CRLF3: variants seen among roughly 807,000 people sequenced by gnomAD.
CRLF3 encodes the protein cytokine receptor like factor 3.
In CRLF3, 33 loss-of-function variants were observed where a neutral mutation model predicts 55.0. The ratio of observed to expected loss-of-function variants is 0.60; its 90% CI spans 0.46 to 0.80. CRLF3 has a LOEUF of 0.80. Among genes scored for constraint, CRLF3 ranks in the 30% least tolerant of loss-of-function variants. The pLI is 0.00. For synonymous variants in CRLF3, 238 were observed against 196.8 expected (o/e 1.21, Z -1.75); for missense variants, 494 against 538.4 (o/e 0.92, Z 0.82).
Position 30,784,260 on chromosome 17 carries a change from A to C in CRLF3, c.1256T>G (p.Leu419Arg). 6.2e-7 allele frequency: 1 copy of C among 1,613,638 alleles called. No individual in the cohort carries two copies. The highest frequency in any genetic ancestry group is 2.2e-5 in the East Asian group (1 of 44,878). The change falls in exon 8 of 8, where the codon CTT (leucine) becomes CGT (arginine). Residue 419 changes from leucine to arginine, a missense_variant. Leu to Arg is a moderately radical substitution (Grantham distance 102). Transcript: ENST00000324238. ...NNREVVFDWL[L>R]DQSCGSLYFG... is the part of the protein sequence containing the mutation. ...GTAAAGAGAACCACAAGACTGATCA[A>C]GTAACCAGTCAAAAACCACTTCTCT...
In CRLF3 at chr17:30,792,510, C is replaced by T. The variant is rs774994930; in HGVS notation, c.889G>A (p.Asp297Asn). 11 of 1,613,036 alleles carry T rather than the reference C, an allele frequency of 6.8e-6. No individual in the cohort carries two copies. The Admixed American group carries it at 1.2e-4, about 17-fold the overall frequency. Residue 297 changes from aspartate to asparagine, a missense_variant, in exon 6 of 8, where the codon GAT (aspartate) becomes AAT (asparagine). Physicochemically the swap from Asp to Asn is conservative, Grantham distance 23. Coordinates refer to ENST00000324238, the MANE Select transcript of CRLF3 (RefSeq NM_015986.4). ...TAGAGAACACCCGATGATTCAGAAT[C>T]GTTCCGAAGTGCTATATTTCTTCGA... ...SSRRNIALRNDSESSGVLYSR... is the reference protein window; with the variant it reads ...SSRRNIALRNNSESSGVLYSR...
chr17:30,817,605 T>C (rs761161735), intron 1 of CRLF3, among the ~76,000 whole-genome samples: 1 of 152,014 alleles, frequency 6.6e-6, no homozygotes, highest in Admixed American at 6.6e-5. Context: ...TATAGAAAGA[T>C]ACATCAAAAT....
intron 1 of CRLF3, among the ~76,000 whole-genome samples, chr17:30,822,484 TGTC>T (rs1679964901): frequency 6.6e-6 from 1 of 152,164 alleles, no homozygotes; most frequent in African/African-American, 2.4e-5. Context: ...CAGAAGGCAA[TGTC>T]ATCAGGAACC....
chr17:30,786,568 T>G (rs1289682844), intron 6 of CRLF3: 2 of 151,958 alleles, frequency 1.3e-5, no homozygotes, highest in Non-Finnish European at 2.9e-5. Flanking sequence ...ACCCATTTTA[T>G]AAGTGAGGAA....
At chr17:30,785,869 C>A in intron 7 of CRLF3, 50 bp downstream of exon 7, 2 of 971,296 alleles carry the variant, frequency 2.1e-6, no homozygotes, top group Non-Finnish European at 3.3e-6. Flanking sequence ...TCACATATTA[C>A]TAAAATAATT....
intron 1 of CRLF3, among the ~76,000 whole-genome samples, chr17:30,811,890 C>G (rs1414441541): frequency 1.3e-5 from 2 of 148,294 alleles, no homozygotes; most frequent in Non-Finnish European, 3.0e-5. Flanking sequence ...GCGGGCGGGT[C>G]ATGAGGTCAG....
chr17:30,795,384 T>G (rs1263879713), intron 4 of CRLF3, among the ~76,000 whole-genome samples: 1 of 151,560 alleles, frequency 6.6e-6, no homozygotes, highest in Non-Finnish European at 1.5e-5. Flanking sequence ...TAATCCCAGC[T>G]ACTTGGGAGG....
Position 30,807,150 on chromosome 17 carries a change from T to G in CRLF3, c.130-3042A>C, listed in dbSNP as rs79162310. On this transcript the variant is annotated intron_variant, in intron 1 of 7. Coordinates refer to ENST00000324238, the MANE Select transcript of CRLF3 (RefSeq NM_015986.4). ...TCTAACTATAAGCCACTCCGATAAG[T>G]TAAAGCAAAAACATACTTTGCTTTC... 9.5e-3 allele frequency among the ~76,000 whole-genome samples: 1,447 copies of G among 152,288 alleles called. 22 individuals carry two copies. Among genetic ancestry groups the G allele is most frequent in the African/African-American group, 0.032 (1,344 of 41,566 alleles).
chr17:30,822,795 A>C (rs927851903), intron 1 of CRLF3, among the ~76,000 whole-genome samples: 1 of 152,230 alleles, frequency 6.6e-6, no homozygotes. Context: ...CAAAAACAAT[A>C]ATCATGGTCA....
At chr17:30,809,281 T>G (rs1904535112) in intron 1 of CRLF3, among the ~76,000 whole-genome samples, 1 of 152,198 alleles carries the variant, frequency 6.6e-6, no homozygotes, top group Non-Finnish European at 1.5e-5. Flanking sequence ...TCCCTTTTGC[T>G]CATAGAATCC....
chr17:30,805,287 G>A (rs1417166564), intron 1 of CRLF3, among the ~76,000 whole-genome samples: 3 of 152,050 alleles, frequency 2.0e-5, no homozygotes, highest in East Asian at 1.9e-4. Flanking sequence ...TGTTATACTC[G>A]CTAAAAAAAG....
At chr17:30,792,169 AC>A (rs1567660219) in intron 6 of CRLF3, among the ~76,000 whole-genome samples, 4 of 151,790 alleles carry the variant, frequency 2.6e-5, no homozygotes, top group African/African-American at 9.7e-5. Flanking sequence ...TTTGAGAGAT[AC>A]TCTACTTACC....
intron 1 of CRLF3, among the ~76,000 whole-genome samples, chr17:30,823,292 G>A (rs187396602): frequency 6.6e-6 from 1 of 151,782 alleles, no homozygotes; most frequent in Non-Finnish European, 1.5e-5. Flanking sequence ...AACCCGGGAG[G>A]CGGAGGTTGT....
Position 30,803,925 on chromosome 17 carries a change from T to C in CRLF3, c.313A>G (p.Thr105Ala), listed in dbSNP as rs1339080458. The change falls in exon 2 of 8, where the codon ACT becomes GCT. Residue 105 changes from threonine to alanine, a missense_variant. Physicochemically the swap from Thr to Ala is moderately conservative, Grantham distance 58. Transcript: ENST00000324238. ...CQKLIEHGVN[T>A]AEDLVREGEI... ...CCTTCTCGGACTAAGTCCTCTGCAG[T>C]GTTGACTCCGTGTTCTATGAGCTTC... 3 of 1,612,110 alleles carry C rather than the reference T, an allele frequency of 1.9e-6. No homozygotes were observed. Among genetic ancestry groups the C allele is most frequent in the Admixed American group, 3.3e-5 (2 of 60,012 alleles).
chr17:30,797,426 C>G lies in CRLF3; in HGVS notation c.338-28G>C, dbSNP rs370917472. 12 of 1,560,690 alleles carry G rather than the reference C, an allele frequency of 7.7e-6. No homozygotes were observed. In the African/African-American group the frequency reaches 1.6e-4, roughly 21 times the overall value. ...ACAATCAAGAATAAGAGAACTAGAA[C>G]AATGAAAATGGTCACATATAAAGTA... is the stretch of plus-strand genomic sequence containing the variant. On this transcript the variant is annotated intron_variant, in intron 2 of 7. Coordinates refer to ENST00000324238, the MANE Select transcript of CRLF3 (RefSeq NM_015986.4).
chr17:30,816,914 T>A (rs1904823897), intron 1 of CRLF3, among the ~76,000 whole-genome samples: 1 of 152,172 alleles, frequency 6.6e-6, no homozygotes, highest in South Asian at 2.1e-4. Flanking sequence ...CCTAGGTGTG[T>A]AGCAGATGAT....
Position 30,797,292 on chromosome 17 carries a change from A to C in CRLF3, c.425+19T>G. 1 of 1,580,024 alleles carries C rather than the reference A, an allele frequency of 6.3e-7. No homozygotes were observed. Among genetic ancestry groups the C allele is most frequent in the Non-Finnish European group, 8.7e-7 (1 of 1,148,882 alleles). Reference sequence around the variant, plus strand: ...TTTAAATGCTTAAAAGTAAGTCAAAAAGGCACAAACTCTTTTACCTGTCCA... The same window carrying C: ...TTTAAATGCTTAAAAGTAAGTCAAACAGGCACAAACTCTTTTACCTGTCCA... On this transcript the variant is annotated intron_variant, in intron 3 of 7. Coordinates refer to ENST00000324238, the MANE Select transcript of CRLF3 (RefSeq NM_015986.4).
At chr17:30,801,748 G>C (rs1223367984) in intron 2 of CRLF3, among the ~76,000 whole-genome samples, 2 of 151,870 alleles carry the variant, frequency 1.3e-5, no homozygotes, top group African/African-American at 4.8e-5. Flanking sequence ...TTTTTAATCA[G>C]TCTCTTTTCC....
At chr17:30,797,629 T>C (rs546735492) in intron 2 of CRLF3, among the ~76,000 whole-genome samples, 1 of 152,166 alleles carries the variant, frequency 6.6e-6, no homozygotes, top group Non-Finnish European at 1.5e-5. Context: ...ATGAAAAATC[T>C]ATCTACTCTA....
Sources: allele counts gnomAD v4.1 joint callset (sites outside exome capture counted in the v4.1 genomes callset), GRCh38; gene constraint gnomAD v4.1.1; transcripts MANE v1.5; gene names NCBI Gene and HGNC (gene_info 2026-07-23, HGNC 2026-07-21).